NSD3: variants seen among roughly 807,000 people sequenced by gnomAD.
NSD3 encodes histone-lysine N-methyltransferase NSD3.
NSD3 carries 24 observed loss-of-function variants against 160.8 expected under a neutral mutation model. That is an observed-to-expected ratio of 0.15 (90% CI 0.11 to 0.21). The LOEUF (loss-of-function observed/expected upper bound fraction) is 0.21, where lower values mean the gene tolerates loss of function less well. NSD3 is among the 10% of genes least tolerant of loss of function. The pLI is 1.00. For synonymous variants in NSD3, 520 were observed against 600.0 expected (o/e 0.87, Z 1.95); for missense variants, 1,157 against 1,735.9 (o/e 0.67, Z 5.93).
chr8:38,378,721 G>C (rs1184123159), intron 1 of NSD3, among the ~76,000 whole-genome samples: 1 of 151,602 alleles, frequency 6.6e-6, no homozygotes, highest in Admixed American at 6.6e-5. Context: ...TACTCGGGAG[G>C]CTAAGGCACG....
At chr8:38,289,705 G>A (rs1234807363) in intron 17 of NSD3, among the ~76,000 whole-genome samples, 200 bp from the exon 18 acceptor site, 1 of 152,194 alleles carries the variant, frequency 6.6e-6, no homozygotes, top group African/African-American at 2.4e-5. Flanking sequence ...ACTATGCTCT[G>A]TGCATGCTGT....
chr8:38,295,100 CG>C (rs1291841894), intron 16 of NSD3, among the ~76,000 whole-genome samples: 2 of 142,736 alleles, frequency 1.4e-5, no homozygotes, highest in Non-Finnish European at 1.5e-5. Context: ...GCCAAGATCG[CG>C]CAACTGCACT....
chr8:38,366,428 T>G (rs897452634), intron 1 of NSD3, among the ~76,000 whole-genome samples: 1 of 150,712 alleles, frequency 6.6e-6, no homozygotes, highest in Non-Finnish European at 1.5e-5. Context: ...CTTTTTTTTT[T>G]TTTTTTGAGA....
intron 2 of NSD3, among the ~76,000 whole-genome samples, chr8:38,346,355 GTATATGTA>G (rs901047860): frequency 1.3e-4 from 19 of 146,390 alleles, no homozygotes; most frequent in Non-Finnish European, 1.5e-4. Flanking sequence ...AGTATATATA[GTATATGTA>G]TATATGTATA....
intron 2 of NSD3, among the ~76,000 whole-genome samples, chr8:38,340,107 C>A (rs929506357): frequency 5.3e-5 from 8 of 151,314 alleles, no homozygotes; most frequent in East Asian, 1.9e-4. Context: ...AAAAAAAAAA[C>A]CAAATTACTT....
chr8:38,316,969 C>G lies in NSD3; in HGVS notation c.1856-927G>C, dbSNP rs1449647927. On this transcript the variant is annotated intron_variant, in intron 9 of 23. Coordinates refer to ENST00000317025, the MANE Select transcript of NSD3 (RefSeq NM_023034.2). The surrounding 1 kb of genome is among the most constrained non-coding windows in gnomAD (Gnocchi z 4.5). Reference sequence around the variant, plus strand: ...GGTGAATACCAAGGAACCAAGGAGACGGTTAATATTTCAACCCACAGTTTG... The same window carrying G: ...GGTGAATACCAAGGAACCAAGGAGAGGGTTAATATTTCAACCCACAGTTTG... 9.4e-7 allele frequency: 1 copy of G among 1,060,100 alleles called. No homozygotes were observed. The highest frequency in any genetic ancestry group is 1.1e-6 in the Non-Finnish European group (1 of 876,036). The allele number at this position is 1,060,100 out of a possible 1,614,324, so 65.7% of individuals were successfully genotyped here. A position where few individuals can be genotyped will look rare whatever the true frequency, so the allele number is the denominator to read the frequency against.
chr8:38,272,937 A>G lies in NSD3; in HGVS notation c.*2704T>C, dbSNP rs1172865980. 1.3e-5 allele frequency: 2 copies of G among 152,248 alleles called. No homozygotes were observed. Among genetic ancestry groups the G allele is most frequent in the Non-Finnish European group, 2.9e-5 (2 of 68,050 alleles). 9.4% of individuals were successfully genotyped at this position (152,248 alleles called of 1,614,324 possible). A position where few individuals can be genotyped will look rare whatever the true frequency, so the allele number is the denominator to read the frequency against. On this transcript the variant is annotated 3_prime_UTR_variant, in exon 24 of 24. Coordinates refer to ENST00000317025, the MANE Select transcript of NSD3 (RefSeq NM_023034.2). ...TATCAAATAGGTCAACATTGACGCT[A>G]TGGAGGTGTGAGGAGAACTCCTTGG... is the stretch of plus-strand genomic sequence containing the variant.
intron 22 of NSD3, among the ~76,000 whole-genome samples, chr8:38,277,304 G>A (rs1408625963): frequency 6.6e-6 from 1 of 151,956 alleles, no homozygotes; most frequent in Non-Finnish European, 1.5e-5. Context: ...TTGAGATGGA[G>A]TCTCGCTCTG....
At position 38,305,277 on chromosome 8, in the gene NSD3, A is replaced by G; in HGVS notation, c.2411T>C (p.Met804Thr). The G allele has an allele frequency of 1.2e-6, 2 of 1,614,198 alleles. No individual in the cohort carries two copies. Among genetic ancestry groups the G allele is most frequent in the South Asian group, 1.1e-5 (1 of 91,086 alleles). ...ACTTGCTTTGTGGATATCTTTCTCCATAGAGCAGGCAGAGCAGCAGTGCTG... is the reference window on the plus strand; with the variant it reads ...ACTTGCTTTGTGGATATCTTTCTCCGTAGAGCAGGCAGAGCAGCAGTGCTG... ...CPQHCCSACS[M>T]EKDIHKASKG... The change falls in exon 13 of 24, where the codon ATG (methionine) becomes ACG (threonine). Residue 804 changes from methionine (M) to threonine (T), a missense_variant. Transcript: ENST00000317025.
chr8:38,358,155 T>C (rs1810870327), intron 1 of NSD3, among the ~76,000 whole-genome samples: 1 of 152,196 alleles, frequency 6.6e-6, no homozygotes, highest in Non-Finnish European at 1.5e-5. Flanking sequence ...AATACAATTG[T>C]CATAGTTGTA....
Position 38,331,440 on chromosome 8 carries a change from C to G in NSD3, c.1056G>C (p.Glu352Asp). 6.2e-7 allele frequency: 1 copy of G among 1,600,994 alleles called. No homozygotes were observed. Among genetic ancestry groups the G allele is most frequent in the Non-Finnish European group, 8.5e-7 (1 of 1,174,704 alleles). The stretch of plus-strand genomic sequence containing the variant: ...TTAACATGTTAGTTACCTTTTGTTT[C>G]TCAGAGTGATTGCTGGCTTGTTTGG... ...EATKQASNHS[E>D]KQKIRKPRPQ... The change falls in exon 5 of 24, where the codon GAG (glutamate) becomes GAC (aspartate). Residue 352 changes from glutamate to aspartate, a missense_variant. Coordinates refer to ENST00000317025, the MANE Select transcript of NSD3 (RefSeq NM_023034.2).
At chr8:38,355,179 G>T (rs1460190521) in intron 1 of NSD3, among the ~76,000 whole-genome samples, 1 of 152,038 alleles carries the variant, frequency 6.6e-6, no homozygotes, top group African/African-American at 2.4e-5. Flanking sequence ...TTCAAGTCCT[G>T]CTGGCTGTGT....
intron 1 of NSD3, among the ~76,000 whole-genome samples, chr8:38,351,353 T>C: frequency 6.6e-6 from 1 of 151,654 alleles, no homozygotes; most frequent in Non-Finnish European, 1.5e-5. Flanking sequence ...TGATTGTAGC[T>C]TCCTAGAATA....
chr8:38,331,301 A>T, intron 5 of NSD3, 130 bp downstream of exon 5: 1 of 1,114,560 alleles, frequency 9.0e-7, no homozygotes, highest in Non-Finnish European at 1.2e-6. Context: ...TACCATTACG[A>T]TTAAAACAGC....
At chr8:38,351,657 C>T (rs1224560709) in intron 1 of NSD3, among the ~76,000 whole-genome samples, 19 of 145,494 alleles carry the variant, frequency 1.3e-4, no homozygotes, top group African/African-American at 2.1e-4. Context: ...AGTGAGACTC[C>T]GTCTCAAAAA....
intron 16 of NSD3, among the ~76,000 whole-genome samples, chr8:38,295,123 G>A (rs370573842): frequency 9.0e-6 from 1 of 111,730 alleles, no homozygotes; most frequent in Non-Finnish European, 1.7e-5. Context: ...CAGCCTGGAC[G>A]ACAAAGCAAC....
At chr8:38,281,860 A>G (rs1347903224) in intron 19 of NSD3, among the ~76,000 whole-genome samples, 1 of 152,204 alleles carries the variant, frequency 6.6e-6, no homozygotes, top group East Asian at 1.9e-4. Context: ...CTGGGGATAA[A>G]GCTAACTCTA....
chr8:38,310,288 C>T (rs1304002927), intron 12 of NSD3, among the ~76,000 whole-genome samples: 1 of 152,142 alleles, frequency 6.6e-6, no homozygotes, highest in Non-Finnish European at 1.5e-5. Context: ...ATTTGTTGGC[C>T]TTTTATACCT....
At position 38,321,075 on chromosome 8, in the gene NSD3, C is replaced by A; in HGVS notation, c.1806G>T (p.Glu602Asp). The A allele has an allele frequency of 6.2e-7, 1 of 1,613,132 alleles. No homozygotes were observed. Among genetic ancestry groups the A allele is most frequent in the Non-Finnish European group, 8.5e-7 (1 of 1,179,778 alleles). The change falls in exon 8 of 24, where the codon GAG becomes GAT. Residue 602 changes from glutamate (E) to aspartate (D), a missense_variant. By Grantham distance (45) the Glu-to-Asp change is conservative (BLOSUM62 2). Transcript: ENST00000317025. The surrounding 1 kb of genome is among the most constrained non-coding windows in gnomAD (Gnocchi z 4.7). ...TCTCTACATGTAGGAAGCCAACCTGCTCCTTTTTGATCTTCTTCTTTGGCA... is the reference window on the plus strand; with the variant it reads ...TCTCTACATGTAGGAAGCCAACCTGATCCTTTTTGATCTTCTTCTTTGGCA... ...EVVPKKKIKK[E>D]QVETVPQATV...
Sources: gnomAD v4.1 joint callset for allele counts (sites outside exome capture counted in the v4.1 genomes callset) on GRCh38, gnomAD v4.1.1 for gene constraint, Gnocchi (gnomAD v3.1) non-coding constraint, MANE v1.5 for transcripts, NCBI Gene and HGNC (gene_info 2026-07-23, HGNC 2026-07-21) for gene names.